Variants in BCAR3 observed in about 807,000 individuals in gnomAD.
The protein encoded by BCAR3 is breast cancer anti-estrogen resistance protein 3.
BCAR3 carries 37 observed loss-of-function variants against 80.1 expected under a neutral mutation model. The ratio of observed to expected loss-of-function variants is 0.46; its 90% CI spans 0.36 to 0.61. The LOEUF (loss-of-function observed/expected upper bound fraction) is 0.61. Among genes scored for constraint, BCAR3 ranks in the 20% least tolerant of loss-of-function variants. The pLI is 0.00. For missense variants in BCAR3, 978 were observed against 1,068.2 expected, an observed-to-expected ratio of 0.92 and a Z score of 1.18; for synonymous variants, 389 against 418.9, an observed-to-expected ratio of 0.93 and a Z score of 0.87.
chr1:93,684,248 C>T (rs189051665), upstream of BCAR3, among the ~76,000 whole-genome samples: 171 of 152,256 alleles, frequency 1.1e-3, no homozygotes, highest in African/African-American at 3.9e-3. Flanking sequence ...AGTGGAAAAA[C>T]ATTAGTTTTT....
intron 2 of BCAR3, chr1:93,845,500 A>ATCTC (rs1475544200): frequency 1.9e-5 from 2 of 106,876 alleles, no homozygotes; most frequent in Non-Finnish European, 3.9e-5. Context: ...ATATATATAT[A>ATCTC]TAAAACTTTG....
intron 2 of BCAR3, among the ~76,000 whole-genome samples, chr1:93,643,998 C>T (rs111344336): frequency 1.3e-3 from 195 of 152,182 alleles, no homozygotes; most frequent in African/African-American, 4.2e-3. Flanking sequence ...CATAAATTCT[C>T]ATCAGATGGG....
chr1:93,847,927 GA>G, upstream of BCAR3: 5 of 247,234 alleles, frequency 2.0e-5, no homozygotes, highest in Non-Finnish European at 2.4e-5. Context: ...GGCGGCGAAG[GA>G]AAAGCGACAC....
intron 2 of BCAR3, among the ~76,000 whole-genome samples, chr1:93,811,789 A>C (rs1341345005): frequency 6.6e-6 from 1 of 152,224 alleles, no homozygotes; most frequent in Non-Finnish European, 1.5e-5. Flanking sequence ...TTTGTTCTAC[A>C]TTCTGGAGTG....
intron 6 of BCAR3, 74 bp downstream of exon 6, chr1:93,583,944 G>T: frequency 7.0e-7 from 1 of 1,427,284 alleles, no homozygotes; most frequent in Non-Finnish European, 9.8e-7. Context: ...GAGACAACTA[G>T]ATGGGGCAGG....
intron 2 of BCAR3, among the ~76,000 whole-genome samples, chr1:93,665,921 C>T (rs574077841): frequency 5.6e-4 from 85 of 152,294 alleles, no homozygotes; most frequent in African/African-American, 1.9e-3. Flanking sequence ...CTCTCCCCCA[C>T]CCCACCATAT....
At chr1:93,609,761 C>T (rs937245185) in intron 3 of BCAR3, among the ~76,000 whole-genome samples, 1 of 152,148 alleles carries the variant, frequency 6.6e-6, no homozygotes, top group Non-Finnish European at 1.5e-5. Context: ...TCCCTGCCTG[C>T]CCACACCGGG....
chr1:93,602,547 G>GTAA, intron 3 of BCAR3: 2 of 152,174 alleles, frequency 1.3e-5, no homozygotes, highest in Non-Finnish European at 2.9e-5. Flanking sequence ...TGCTACATCT[G>GTAA]GCATCGTCTT....
At chr1:93,672,971 T>C (rs956341139) in intron 2 of BCAR3, among the ~76,000 whole-genome samples, 6 of 152,234 alleles carry the variant, frequency 3.9e-5, no homozygotes, top group African/African-American at 1.4e-4. Context: ...CAGTTCCTTT[T>C]GGGGTTTTCA....
chr1:93,653,285 A>G (rs1465977617), intron 2 of BCAR3, among the ~76,000 whole-genome samples: 2 of 152,236 alleles, frequency 1.3e-5, no homozygotes, highest in Non-Finnish European at 2.9e-5. Context: ...ATTTCATGCA[A>G]TGGAGGAATG....
intron 2 of BCAR3, among the ~76,000 whole-genome samples, chr1:93,738,055 A>G (rs143742246): frequency 0.014 from 2,091 of 152,082 alleles, 27 homozygotes; most frequent in Non-Finnish European, 0.019. Flanking sequence ...GCTGATCTTG[A>G]ACTCCTGGCT....
At chr1:93,825,479 G>A (rs1302372493) in intron 2 of BCAR3, among the ~76,000 whole-genome samples, 2 of 134,224 alleles carry the variant, frequency 1.5e-5, no homozygotes, top group Non-Finnish European at 3.4e-5. Flanking sequence ...AAAAGTTAAG[G>A]TCTCTTCAGA....
chr1:93,582,372 G>A lies in BCAR3; in HGVS notation c.1615C>T (p.Arg539Cys), dbSNP rs199987558. The change falls in exon 7 of 12, where the codon CGT (arginine) becomes TGT (cysteine). Residue 539 changes from arginine to cysteine, a missense_variant. Transcript: ENST00000260502. ...TTGTTGGTGAACAGTTCTTTTGCAC[G>A]TTTCAACATTGCTGTTTCCAGGGGC... Reference protein sequence around the residue: ...NKPLETAMLKRAKELFTNNDP... With the variant: ...NKPLETAMLKCAKELFTNNDP... 59 of 1,614,044 alleles carry A rather than the reference G, an allele frequency of 3.7e-5. No homozygotes were observed. The Admixed American group carries it at 8.7e-4, about 24-fold the overall frequency.
chr1:93,777,283 A>G (rs1652584131), intron 2 of BCAR3, among the ~76,000 whole-genome samples: 1 of 152,230 alleles, frequency 6.6e-6, no homozygotes, highest in South Asian at 2.1e-4. Context: ...ATAGGAAACT[A>G]ATACAATTAT....
At chr1:93,717,653 G>A (rs1262239897) in intron 2 of BCAR3, among the ~76,000 whole-genome samples, 2 of 151,738 alleles carry the variant, frequency 1.3e-5, no homozygotes, top group Non-Finnish European at 2.9e-5. Flanking sequence ...GCTTGAACCA[G>A]GGAGGTGGAG....
At chr1:93,687,144 G>C (rs1244522686) in intron 3 of BCAR3, among the ~76,000 whole-genome samples, 1 of 152,150 alleles carries the variant, frequency 6.6e-6, no homozygotes, top group Non-Finnish European at 1.5e-5. Context: ...TTGAATGAAT[G>C]AACTCCTTTG....
In BCAR3 at chr1:93,836,636, C is replaced by CCA. The variant is rs556058876; in HGVS notation, c.-63+8929_-63+8930dup. Among the ~76,000 whole-genome samples, 1,080 of 152,174 alleles carry CCA rather than the reference C, an allele frequency of 7.1e-3. 7 individuals carry two copies. The highest frequency in any genetic ancestry group is 0.024 in the Middle Eastern group (7 of 294). On this transcript the variant is annotated intron_variant, in intron 2 of 13. Coordinates refer to the BCAR3 transcript ENST00000370244. The stretch of plus-strand genomic sequence containing the variant: ...AAATTTTCACCGCCCCAACACTTTA[C>CCA]CACTATTTCATTTTATTTTTCTTAT...
At chr1:93,774,676 C>T (rs1652483158) in intron 2 of BCAR3, among the ~76,000 whole-genome samples, 1 of 152,168 alleles carries the variant, frequency 6.6e-6, no homozygotes. Context: ...CTATCCCATT[C>T]AGGAGATCGT....
chr1:93,660,888 T>C (rs1030719145), intron 2 of BCAR3, among the ~76,000 whole-genome samples: 4 of 151,972 alleles, frequency 2.6e-5, no homozygotes, highest in African/African-American at 9.7e-5. Flanking sequence ...ATAATTTCTT[T>C]TTTTTTAGAC....
Sources: gnomAD v4.1 joint callset for allele counts (sites outside exome capture counted in the v4.1 genomes callset) on GRCh38, gnomAD v4.1.1 for gene constraint, MANE v1.5 for transcripts, NCBI Gene and HGNC (gene_info 2026-07-23, HGNC 2026-07-21) for gene names.